BLTP3B: variants seen among roughly 807,000 people sequenced by gnomAD.
BLTP3B encodes the protein bridge-like lipid transfer protein family member 3B.
At chr12:100,049,305 A>G in the BLTP3B span, among the ~76,000 whole-genome samples, 1 of 152,222 alleles carries the variant, frequency 6.6e-6, no homozygotes. Flanking sequence ...CTGAGGTATG[A>G]AAGTTATTTA....
At chr12:100,092,732 T>C in the BLTP3B span, 1 of 171,472 alleles carries the variant, frequency 5.8e-6, no homozygotes, top group Non-Finnish European at 1.2e-5. Flanking sequence ...CTTCAATCTA[T>C]TAGTCTTTAA....
At chr12:100,102,761 C>A in the BLTP3B span, 1 of 1,556,480 alleles carries the variant, frequency 6.4e-7, no homozygotes, top group South Asian at 1.2e-5. Flanking sequence ...ATGGAAGTAG[C>A]TTACCTTTGT....
chr12:100,132,526 C>G, the BLTP3B span, among the ~76,000 whole-genome samples: 1 of 152,242 alleles, frequency 6.6e-6, no homozygotes, highest in African/African-American at 2.4e-5. Flanking sequence ...TAAGTGTCCA[C>G]TTCCCCTTAC....
chr12:100,079,450 C>T, the BLTP3B span, among the ~76,000 whole-genome samples: 1 of 152,138 alleles, frequency 6.6e-6, no homozygotes, highest in African/African-American at 2.4e-5. Context: ...TGCCCCTGCC[C>T]TAGAGATCTG....
At chr12:100,089,821 T>A in the BLTP3B span, among the ~76,000 whole-genome samples, 1 of 152,234 alleles carries the variant, frequency 6.6e-6, no homozygotes, top group Admixed American at 6.5e-5. Context: ...AAATCTCATC[T>A]TGAATGGTAG....
At chr12:100,088,334 C>A in the BLTP3B span, among the ~76,000 whole-genome samples, 2 of 152,114 alleles carry the variant, frequency 1.3e-5, no homozygotes, top group Non-Finnish European at 1.5e-5. Flanking sequence ...AAACGCCCAG[C>A]GCCTAGATTA....
the BLTP3B span, chr12:100,051,147 A>G: frequency 6.2e-7 from 1 of 1,613,946 alleles, no homozygotes; most frequent in Non-Finnish European, 8.5e-7. Flanking sequence ...GTTTCACCAT[A>G]ATTCTGTAGG....
chr12:100,058,683 C>T, the BLTP3B span: 6 of 1,614,022 alleles, frequency 3.7e-6, no homozygotes, highest in Non-Finnish European at 5.1e-6. Flanking sequence ...TTCTGCACTT[C>T]TAAGTAAAAT....
At chr12:100,068,646 A>G in the BLTP3B span, among the ~76,000 whole-genome samples, 1 of 152,222 alleles carries the variant, frequency 6.6e-6, no homozygotes, top group Non-Finnish European at 1.5e-5. Context: ...ATCAACAAGA[A>G]AAAAACAAAC....
the BLTP3B span, among the ~76,000 whole-genome samples, chr12:100,050,564 T>C: frequency 6.6e-6 from 1 of 152,180 alleles, no homozygotes; most frequent in Non-Finnish European, 1.5e-5. Context: ...AATATATTTT[T>C]CAAGTCTCCC....
At chr12:100,122,351 T>C in the BLTP3B span, among the ~76,000 whole-genome samples, 1 of 152,048 alleles carries the variant, frequency 6.6e-6, no homozygotes, top group Admixed American at 6.6e-5. Context: ...CCTAGAGAGG[T>C]TAAGTCAAAT....
the BLTP3B span, among the ~76,000 whole-genome samples, chr12:100,107,477 A>G: frequency 6.6e-6 from 1 of 151,306 alleles, no homozygotes; most frequent in Non-Finnish European, 1.5e-5. Flanking sequence ...CTACTAAAAT[A>G]CAAAAAAATT....
chr12:100,102,133 G>A, the BLTP3B span, among the ~76,000 whole-genome samples: 2 of 130,516 alleles, frequency 1.5e-5, no homozygotes, highest in South Asian at 2.4e-4. Context: ...TTTTTGAGAC[G>A]GAGTCTCGCT....
At chr12:100,118,030 C>T in the BLTP3B span, among the ~76,000 whole-genome samples, 4 of 151,842 alleles carry the variant, frequency 2.6e-5, no homozygotes, top group African/African-American at 4.8e-5. Flanking sequence ...TATAGAGCAA[C>T]CAAAGATATC....
chr12:100,037,704 C>A, the BLTP3B span: 4 of 1,611,238 alleles, frequency 2.5e-6, no homozygotes, highest in Non-Finnish European at 3.4e-6. Context: ...TCTGCAAGAG[C>A]CATTTTAGCT....
chr12:100,129,038 CTG>C, the BLTP3B span, among the ~76,000 whole-genome samples: 3 of 151,730 alleles, frequency 2.0e-5, no homozygotes, highest in African/African-American at 4.8e-5. Flanking sequence ...AAAAGCTGAA[CTG>C]TATAATTTAC....
the BLTP3B span, among the ~76,000 whole-genome samples, chr12:100,125,129 C>T: frequency 2.7e-5 from 4 of 148,862 alleles, no homozygotes; most frequent in African/African-American, 9.8e-5. Flanking sequence ...GTCAGGAGTT[C>T]CAGATAAGCC....
At chr12:100,128,186 C>T in the BLTP3B span, among the ~76,000 whole-genome samples, 1 of 152,170 alleles carries the variant, frequency 6.6e-6, no homozygotes, top group Admixed American at 6.5e-5. Context: ...TCAAAGGAGA[C>T]TTTGTACCTC....
the BLTP3B span, among the ~76,000 whole-genome samples, chr12:100,131,980 T>C: frequency 6.6e-6 from 1 of 152,132 alleles, no homozygotes; most frequent in Non-Finnish European, 1.5e-5. Context: ...TAAGTAGAGA[T>C]GGGGTTTCAC....
Sources: gnomAD v4.1 joint callset for allele counts (sites outside exome capture counted in the v4.1 genomes callset) on GRCh38, gnomAD v4.1.1 for gene constraint, MANE v1.5 for transcripts, NCBI Gene and HGNC (gene_info 2026-07-23, HGNC 2026-07-21) for gene names.